Variants in AKAP8L observed in about 807,000 individuals in gnomAD.
AKAP8L encodes the protein A-kinase anchoring protein 8 like.
Under a neutral mutation model 77.5 loss-of-function variants are expected in AKAP8L, and 34 were observed. The ratio of observed to expected loss-of-function variants is 0.44; its 90% CI spans 0.33 to 0.58. The LOEUF (loss-of-function observed/expected upper bound fraction) is 0.58. Among genes scored for constraint, AKAP8L ranks in the 20% least tolerant of loss-of-function variants. AKAP8L has a pLI of 0.02. For missense variants in AKAP8L, 806 were observed against 887.6 expected, an observed-to-expected ratio of 0.91 and a Z score of 1.17; for synonymous variants, 342 against 340.7, an observed-to-expected ratio of 1.00 and a Z score of -0.04.
chr19:15,403,971 CCCAAGGG>C lies in AKAP8L; in HGVS notation c.121+32_121+38del. ...GGCAGAGAAACACAGCCAGGACAAC[CCCAAGGG>C]ACAGGACAGCAATCACAGGAATGAC... On this transcript the variant is annotated intron_variant, in intron 3 of 13. Coordinates refer to ENST00000397410, the MANE Select transcript of AKAP8L (RefSeq NM_014371.4). This position sits in a 1 kb window ranked among gnomAD's most constrained non-coding sequence, Gnocchi z 4.3. 1 of 1,612,174 alleles carries C rather than the reference CCCAAGGG, an allele frequency of 6.2e-7. No individual in the cohort carries two copies. The highest frequency in any genetic ancestry group is 8.5e-7 in the Non-Finnish European group (1 of 1,178,736).
At chr19:15,416,810 G>A (rs774892242) in intron 1 of AKAP8L, among the ~76,000 whole-genome samples, 5 of 152,084 alleles carry the variant, frequency 3.3e-5, no homozygotes, top group Non-Finnish European at 7.3e-5. Flanking sequence ...TATAAATAAG[G>A]TAACAGGGTT....
chr19:15,394,061 A>G (rs1967719869), intron 12 of AKAP8L, among the ~76,000 whole-genome samples: 1 of 152,228 alleles, frequency 6.6e-6, no homozygotes, highest in African/African-American at 2.4e-5. Flanking sequence ...AAGACATTCC[A>G]GTCCTAGTCA....
Position 15,418,959 on chromosome 19 carries a change from TC to T in AKAP8L, c.-37del, listed in dbSNP as rs1421394713. 1.9e-6 allele frequency: 3 copies of T among 1,603,904 alleles called. No homozygotes were observed. The highest frequency in any genetic ancestry group is 2.5e-6 in the Non-Finnish European group (3 of 1,179,444). ...AACACAACATCCGACGACGCCGGCT[TC>T]TGCTGCTCTGAACATCCGACGCTGC... On this transcript the variant is annotated 5_prime_UTR_variant, in exon 1 of 14. Transcript: ENST00000397410.
Position 15,400,413 on chromosome 19 carries a change from A to G in AKAP8L, c.985-55T>C, listed in dbSNP as rs1038491179. 4.0e-6 allele frequency: 6 copies of G among 1,509,330 alleles called. No homozygotes were observed. In the Admixed American group the frequency reaches 1.1e-4, roughly 28 times the overall value. 93.5% of individuals were successfully genotyped at this position (1,509,330 alleles called of 1,614,324 possible). Reference sequence around the variant, plus strand: ...AGGTGCCTTTTTTTTTTTTTTTAAAAGAAACCAAGTTTATTAGAGCAACGG... The same window carrying G: ...AGGTGCCTTTTTTTTTTTTTTTAAAGGAAACCAAGTTTATTAGAGCAACGG... On this transcript the variant is annotated intron_variant, in intron 7 of 13. Coordinates refer to ENST00000397410, the MANE Select transcript of AKAP8L (RefSeq NM_014371.4).
rs1375568763 is a variant in AKAP8L, at chr19:15,401,262, C to T, written c.704G>A (p.Gly235Asp). ...NIIPEYGMFQ[G>D]MRGGGAFPGG... Reference sequence around the variant, plus strand: ...CGGGAAGGCGCCCCCACCTCGCATGCCCTGGAACATGCCGTACTCGGGGAT... The same window carrying T: ...CGGGAAGGCGCCCCCACCTCGCATGTCCTGGAACATGCCGTACTCGGGGAT... The change falls in exon 5 of 14, where the codon GGC becomes GAC. Residue 235 changes from glycine to aspartate, a missense_variant. By Grantham distance (94) the Gly-to-Asp change is moderately conservative. This residue lies in a region of AKAP8L where 580 missense variants were observed against 694.1 expected (regional missense o/e 0.84). Transcript: ENST00000397410. The surrounding 1 kb of genome is among the most constrained non-coding windows in gnomAD (Gnocchi z 6.2). 6.2e-7 allele frequency: 1 copy of T among 1,613,874 alleles called. No homozygotes were observed.
intron 12 of AKAP8L, chr19:15,381,952 C>T (rs546677030): frequency 6.6e-6 from 1 of 152,316 alleles, no homozygotes; most frequent in South Asian, 2.1e-4. Flanking sequence ...AACTGCAGAA[C>T]ATTTGCAAGT....
At chr19:15,415,756 G>T (rs902145676) in intron 1 of AKAP8L, among the ~76,000 whole-genome samples, 1 of 151,678 alleles carries the variant, frequency 6.6e-6, no homozygotes, top group Non-Finnish European at 1.5e-5. Flanking sequence ...TGTGGTGGCG[G>T]GCACCTGTAG....
At chr19:15,396,003 G>A (rs201668510) in intron 12 of AKAP8L, among the ~76,000 whole-genome samples, 1,943 of 59,154 alleles carry the variant, frequency 0.033, 2 homozygotes, top group East Asian at 0.063. Flanking sequence ...AAAAAAAAAA[G>A]AATCTGTTTT....
chr19:15,397,901 G>T lies in AKAP8L; in HGVS notation c.1158-46C>A. ...GGGGCTGAGGCTGCAAGTGTCCCAG[G>T]GGATAGTGCTGCCGCCTCACCCAAC... is the stretch of plus-strand genomic sequence containing the variant. On this transcript the variant is annotated intron_variant, in intron 9 of 13. Transcript: ENST00000397410. The surrounding 1 kb of genome is among the most constrained non-coding windows in gnomAD (Gnocchi z 4.7). 3 of 1,598,172 alleles carry T rather than the reference G, an allele frequency of 1.9e-6. No homozygotes were observed. The highest frequency in any genetic ancestry group is 8.5e-7 in the Non-Finnish European group (1 of 1,172,622).
At position 15,401,420 on chromosome 19, in the gene AKAP8L, G is replaced by T; in HGVS notation, c.546C>A (p.Gly182=). 6.2e-7 allele frequency: 1 copy of T among 1,613,490 alleles called. No individual in the cohort carries two copies. Residue 182 remains glycine, a synonymous_variant, in exon 5 of 14, where the codon GGC becomes GGA. Transcript: ENST00000397410. The surrounding 1 kb of genome is among the most constrained non-coding windows in gnomAD (Gnocchi z 6.2). Reference sequence around the variant, plus strand: ...GGCCGCTCCGGGCATCCCGGGCCCAGCCCTGTGCCCTGGGACCGAAGGTGT... The same window carrying T: ...GGCCGCTCCGGGCATCCCGGGCCCATCCCTGTGCCCTGGGACCGAAGGTGT... ...GNDTFGPRAQ[G]WARDARSGRP... is the part of the protein sequence containing the mutation.
chr19:15,392,766 C>T (rs1353731516), intron 12 of AKAP8L, among the ~76,000 whole-genome samples: 5 of 151,328 alleles, frequency 3.3e-5, no homozygotes, highest in East Asian at 3.9e-4. Context: ...CGTGGTGGTG[C>T]GTGCCTGTAA....
At chr19:15,384,427 G>A (rs1967485781) in intron 12 of AKAP8L, among the ~76,000 whole-genome samples, 1 of 151,038 alleles carries the variant, frequency 6.6e-6, no homozygotes, top group Admixed American at 6.6e-5. Context: ...AGCCCCCTGA[G>A]TAGCTGAGAT....
At chr19:15,388,017 T>A (rs539657621) in intron 12 of AKAP8L, among the ~76,000 whole-genome samples, 122 of 152,208 alleles carry the variant, frequency 8.0e-4, no homozygotes, top group African/African-American at 2.8e-3. Flanking sequence ...CCAAATTTAA[T>A]TGGATCAGAT....
At position 15,399,266 on chromosome 19, in the gene AKAP8L, G is replaced by T; in HGVS notation, c.1157+36C>A. ...GCTCTCCTGGCGGCAGCCCCACAGC[G>T]AGGCAGAGGCAGAGGGGTGGAGGGA... On this transcript the variant is annotated intron_variant, in intron 9 of 13. Coordinates refer to ENST00000397410, the MANE Select transcript of AKAP8L (RefSeq NM_014371.4). This position sits in a 1 kb window ranked among gnomAD's most constrained non-coding sequence, Gnocchi z 6.1. The T allele has an allele frequency of 6.4e-7, 1 of 1,564,160 alleles. No individual in the cohort carries two copies. The highest frequency in any genetic ancestry group is 8.8e-7 in the Non-Finnish European group (1 of 1,134,690).
In AKAP8L at chr19:15,398,600, C is replaced by T. The variant is rs892166593; in HGVS notation, c.1157+702G>A. 8.1e-6 allele frequency: 8 copies of T among 985,302 alleles called. No homozygotes were observed. The highest frequency in any genetic ancestry group is 9.6e-6 in the Non-Finnish European group (8 of 830,220). The allele number at this position is 985,302 out of a possible 1,614,324, so 61.0% of individuals were successfully genotyped here. A position where few individuals can be genotyped will look rare whatever the true frequency, so the allele number is the denominator to read the frequency against. On this transcript the variant is annotated intron_variant, in intron 9 of 13. Coordinates refer to ENST00000397410, the MANE Select transcript of AKAP8L (RefSeq NM_014371.4). The surrounding 1 kb of genome is among the most constrained non-coding windows in gnomAD (Gnocchi z 9.2). ...GTGGCAAGGGGCGGAGGAGGCCAGC[C>T]GCCACCGAGACCTCGGGGCGGGTCC...
Position 15,390,418 on chromosome 19 carries a change from CAA to C in AKAP8L, c.1536+6730_1536+6731del, listed in dbSNP as rs34396645. 7.0e-3 allele frequency among the ~76,000 whole-genome samples: 766 copies of C among 109,278 alleles called. 5 individuals carry two copies. The highest frequency in any genetic ancestry group is 0.019 in the African/African-American group (537 of 28,186). 71.7% of individuals were successfully genotyped at this position (109,278 alleles called of 152,430 possible). A position where few individuals can be genotyped will look rare whatever the true frequency, so the allele number is the denominator to read the frequency against. ...TAGGCGACAGAGTGAGACCCTGTCT[CAA>C]AAAAAAAAAAAAAAAAAATCTAGTT... On this transcript the variant is annotated intron_variant, in intron 12 of 13. Transcript: ENST00000397410.
intron 1 of AKAP8L, among the ~76,000 whole-genome samples, chr19:15,413,005 C>G (rs988974930): frequency 6.6e-6 from 1 of 152,200 alleles, no homozygotes. Flanking sequence ...AGTGCCTTCC[C>G]CCTGGGTAAG....
Position 15,403,760 on chromosome 19 carries a change from G to T in AKAP8L, c.122-45C>A. On this transcript the variant is annotated intron_variant, in intron 3 of 13. Transcript: ENST00000397410. This position sits in a 1 kb window ranked among gnomAD's most constrained non-coding sequence, Gnocchi z 4.3. ...GACAGACAGATGGTGGGGGCAGGCAGAGGGGAGGCAGACAGAGACAGAGAC... is the reference window on the plus strand; with the variant it reads ...GACAGACAGATGGTGGGGGCAGGCATAGGGGAGGCAGACAGAGACAGAGAC... The T allele has an allele frequency of 6.9e-7, 1 of 1,451,300 alleles. No individual in the cohort carries two copies. The highest frequency in any genetic ancestry group is 9.5e-7 in the Non-Finnish European group (1 of 1,053,870). 89.9% of individuals were successfully genotyped at this position (1,451,300 alleles called of 1,614,324 possible).
intron 4 of AKAP8L, among the ~76,000 whole-genome samples, chr19:15,402,889 C>T (rs145130084): frequency 5.3e-4 from 80 of 152,330 alleles, no homozygotes; most frequent in African/African-American, 1.8e-3. Flanking sequence ...GTACTTGCTG[C>T]GTGCCTTCAG....
Sources: gnomAD v4.1 joint callset for allele counts (sites outside exome capture counted in the v4.1 genomes callset) on GRCh38, gnomAD v4.1.1 for gene constraint, gnomAD v4.1.1 regional missense constraint, Gnocchi (gnomAD v3.1) non-coding constraint, MANE v1.5 for transcripts, NCBI Gene and HGNC (gene_info 2026-07-23, HGNC 2026-07-21) for gene names.